The following COL22A1 variants were observed in gnomAD, a reference collection of about 807,000 sequenced individuals.
The protein encoded by COL22A1 is collagen alpha-1(XXII) chain.
Under a neutral mutation model 248.9 loss-of-function variants are expected in COL22A1, and 221 were observed. The ratio of observed to expected loss-of-function variants is 0.89; its 90% CI spans 0.80 to 0.99. The LOEUF (loss-of-function observed/expected upper bound fraction) is 0.99. Ranked by LOEUF, COL22A1 falls within the 50% of genes least tolerant of loss-of-function variation. The pLI is 0.00. For missense variants in COL22A1, 2,240 were observed against 2,179.0 expected, an observed-to-expected ratio of 1.03 and a Z score of -0.56; for synonymous variants, 891 against 793.4, an observed-to-expected ratio of 1.12 and a Z score of -2.07.
At chr8:138,857,732 T>C (rs772209313) in intron 3 of COL22A1, among the ~76,000 whole-genome samples, 12 of 152,204 alleles carry the variant, frequency 7.9e-5, no homozygotes, top group Non-Finnish European at 1.6e-4. Context: ...AGCTTCAGCA[T>C]CAGGAGAAGG....
intron 25 of COL22A1, among the ~76,000 whole-genome samples, chr8:138,722,853 G>GGA (rs1320954747): frequency 7.8e-6 from 1 of 128,514 alleles, no homozygotes; most frequent in Non-Finnish European, 1.7e-5. Flanking sequence ...ATGGGGGCGG[G>GGA]GGGGGGGTGG....
At chr8:138,773,572 C>T (rs1490115684) in intron 16 of COL22A1, among the ~76,000 whole-genome samples, 1 of 152,236 alleles carries the variant, frequency 6.6e-6, no homozygotes, top group Non-Finnish European at 1.5e-5. Flanking sequence ...CCACCTCTGC[C>T]CCAGCTCGAC....
chr8:138,796,389 C>CTTTTTTTT lies in COL22A1; in HGVS notation c.1596+422_1596+429dup, dbSNP rs11284610. Among the ~76,000 whole-genome samples the CTTTTTTTT allele has an allele frequency of 6.2e-3, 163 of 26,316 alleles. 3 individuals carry two copies. The highest frequency in any genetic ancestry group is 8.2e-3 in the Non-Finnish European group (98 of 11,880). 17.3% of individuals were successfully genotyped at this position (26,316 alleles called of 152,430 possible). On this transcript the variant is annotated intron_variant, in intron 12 of 64. Coordinates refer to ENST00000303045, the MANE Select transcript of COL22A1 (RefSeq NM_152888.3). ...TTTTTTTCTCTTGCTTGCTACTTTCCTTTTTTTTTTTTTTTTTTTTTTTTT... is the reference window on the plus strand; with the variant it reads ...TTTTTTTCTCTTGCTTGCTACTTTCCTTTTTTTTTTTTTTTTTTTTTTTTTTTTTTTTT...
chr8:138,596,371 A>G (rs777929272), intron 62 of COL22A1, among the ~76,000 whole-genome samples: 2 of 152,048 alleles, frequency 1.3e-5, no homozygotes, highest in Admixed American at 1.3e-4. Flanking sequence ...TCATCTTTCA[A>G]CTTGTAGCTC....
intron 12 of COL22A1, among the ~76,000 whole-genome samples, chr8:138,784,293 G>T (rs746469601): frequency 1.2e-4 from 19 of 152,196 alleles, no homozygotes; most frequent in Non-Finnish European, 2.4e-4. Flanking sequence ...ATGAGAGAAA[G>T]GATTGTTCAA....
chr8:138,820,403 T>TA (rs1390243981), intron 7 of COL22A1, among the ~76,000 whole-genome samples: 1 of 152,120 alleles, frequency 6.6e-6, no homozygotes, highest in African/African-American at 2.4e-5. Context: ...TGTACATACT[T>TA]ACGGTGTATG....
At chr8:138,769,416 G>T (rs1392212327) in intron 16 of COL22A1, among the ~76,000 whole-genome samples, 1 of 152,166 alleles carries the variant, frequency 6.6e-6, no homozygotes, top group Non-Finnish European at 1.5e-5. Context: ...TCACCCTGTG[G>T]TCTCCTTGGG....
chr8:138,832,819 G>A (rs1820152312), intron 5 of COL22A1, among the ~76,000 whole-genome samples: 2 of 152,234 alleles, frequency 1.3e-5, no homozygotes, highest in Non-Finnish European at 1.5e-5. Context: ...AGGTGTAGAA[G>A]GATCAGAGAA....
intron 4 of COL22A1, among the ~76,000 whole-genome samples, chr8:138,833,768 T>C (rs1201006245): frequency 6.6e-6 from 1 of 152,126 alleles, no homozygotes; most frequent in Non-Finnish European, 1.5e-5. Flanking sequence ...CAATGTAAAG[T>C]AACAGAAAAA....
At chr8:138,613,616 T>C (rs1819079685) in intron 56 of COL22A1, among the ~76,000 whole-genome samples, 1 of 151,404 alleles carries the variant, frequency 6.6e-6, no homozygotes, top group African/African-American at 2.4e-5. Flanking sequence ...CAAGGTCCTA[T>C]AGAGCTCCAG....
At chr8:138,840,702 C>T (rs914610678) in intron 4 of COL22A1, among the ~76,000 whole-genome samples, 1 of 152,256 alleles carries the variant, frequency 6.6e-6, no homozygotes, top group East Asian at 1.9e-4. Flanking sequence ...AACCACCCAC[C>T]TCAGCTTTGG....
chr8:138,815,753 G>A (rs1202771496), intron 7 of COL22A1, among the ~76,000 whole-genome samples: 3 of 152,176 alleles, frequency 2.0e-5, no homozygotes, highest in African/African-American at 4.8e-5. Flanking sequence ...TACAATCGAT[G>A]GCTGGGTGGA....
chr8:138,698,325 T>C (rs1827678914), intron 32 of COL22A1, among the ~76,000 whole-genome samples: 1 of 152,178 alleles, frequency 6.6e-6, no homozygotes, highest in Non-Finnish European at 1.5e-5. Context: ...GCTGACACAC[T>C]AGCCCCTAAT....
intron 28 of COL22A1, 131 bp from the exon 29 acceptor site, chr8:138,716,420 A>C: frequency 1.5e-6 from 1 of 655,564 alleles, no homozygotes; most frequent in Non-Finnish European, 2.6e-6. Context: ...TCACATGGAA[A>C]GCAATGCAGT....
At position 138,613,881 on chromosome 8, in the gene COL22A1, G is replaced by C. The variant is rs1359241713; in HGVS notation, c.3964C>G (p.Pro1322Ala). The C allele has an allele frequency of 6.2e-7, 1 of 1,614,002 alleles. No homozygotes were observed. Among genetic ancestry groups the C allele is most frequent in the African/African-American group, 1.3e-5 (1 of 75,046 alleles). ...GCAAAACTCACCGGTGGGCCCCTTG[G>C]TCCTTGGGGACCCTGTGGCCCAGTG... The part of the protein sequence containing the change: ...GPTGPQGPQG[P>A]RGPPGKNGSP... The change falls in exon 56 of 65, where the codon CCA (proline) becomes GCA (alanine). Residue 1322 changes from proline (P) to alanine (A), a missense_variant. Pro to Ala is a conservative substitution (Grantham distance 27). Transcript: ENST00000303045.
intron 52 of COL22A1, 103 bp downstream of exon 52, chr8:138,623,629 C>T: frequency 1.0e-6 from 1 of 954,952 alleles, no homozygotes; most frequent in Non-Finnish European, 1.6e-6. Context: ...TAGAAAATGC[C>T]TATCTTCGAG....
chr8:138,615,963 A>G (rs937377041), intron 55 of COL22A1, 38 bp downstream of exon 55: 10 of 1,540,804 alleles, frequency 6.5e-6, no homozygotes, highest in Non-Finnish European at 9.0e-6. Flanking sequence ...ACCCACCCCC[A>G]GCCCCAGCCC....
At chr8:138,594,686 C>T (rs932621312) in intron 62 of COL22A1, among the ~76,000 whole-genome samples, 6 of 152,182 alleles carry the variant, frequency 3.9e-5, no homozygotes, top group African/African-American at 1.4e-4. Flanking sequence ...TTGCTAAGTG[C>T]TCAGGAGATG....
rs1464529153 is a variant in COL22A1 at position 138,728,698 on chromosome 8, G to A, written c.2140-3258C>T. 2.0e-5 allele frequency among the ~76,000 whole-genome samples: 3 copies of A among 151,972 alleles called. No individual in the cohort carries two copies. In the East Asian group the frequency reaches 5.8e-4, roughly 30 times the overall value. ...TTAAACCTCCTTGTCTGACAATGAA[G>A]AAAACTGAGGCCCAAAGAGGGTCAG... On this transcript the variant is annotated intron_variant, in intron 23 of 64. Transcript: ENST00000303045.
Sources: gnomAD v4.1 joint callset for allele counts (sites outside exome capture counted in the v4.1 genomes callset) on GRCh38, gnomAD v4.1.1 for gene constraint, MANE v1.5 for transcripts, NCBI Gene and HGNC (gene_info 2026-07-23, HGNC 2026-07-21) for gene names.